PCDHA2: variants seen among roughly 807,000 people sequenced by gnomAD.
PCDHA2 encodes the protein protocadherin alpha-2.
A neutral mutation model predicts 66.0 loss-of-function variants in PCDHA2; 58 were observed. That is an observed-to-expected ratio of 0.88 (90% CI 0.71 to 1.09). The LOEUF is 1.09. Among genes scored for constraint, PCDHA2 ranks in the 50% least tolerant of loss-of-function variants. PCDHA2 has a pLI of 0.00. For synonymous variants in PCDHA2, 634 were observed against 554.0 expected (o/e 1.14, Z -2.03); for missense variants, 1,267 against 1,242.3 (o/e 1.02, Z -0.30).
At chr5:140,855,274 C>T (rs1395531351) in intron 1 of PCDHA2, among the ~76,000 whole-genome samples, 1 of 149,676 alleles carries the variant, frequency 6.7e-6, no homozygotes, top group Non-Finnish European at 1.5e-5. Flanking sequence ...TTCACTCAAC[C>T]ACCGTATTAC....
chr5:140,884,433 G>T, intron 1 of PCDHA2: 1 of 1,613,908 alleles, frequency 6.2e-7, no homozygotes, highest in Admixed American at 1.7e-5. Context: ...ACTGCGCTGC[G>T]GTGCTCGGCA....
intron 1 of PCDHA2, chr5:140,927,595 C>A (rs2084392576): frequency 1.2e-6 from 2 of 1,614,038 alleles, no homozygotes; most frequent in South Asian, 2.2e-5. Context: ...TGTATTTGAG[C>A]GCTCCGTATA....
chr5:140,933,429 G>A (rs2089147163), intron 1 of PCDHA2, among the ~76,000 whole-genome samples: 1 of 151,830 alleles, frequency 6.6e-6, no homozygotes, highest in South Asian at 2.1e-4. Flanking sequence ...GTTCATAGGG[G>A]CACTCTAATG....
chr5:140,855,819 C>T, intron 1 of PCDHA2: 1 of 524,234 alleles, frequency 1.9e-6, no homozygotes, highest in Non-Finnish European at 3.4e-6. Flanking sequence ...AAGTTGTGAA[C>T]TCATGGAATC....
At chr5:140,916,399 C>G (rs1421171065) in intron 1 of PCDHA2, among the ~76,000 whole-genome samples, 2 of 152,168 alleles carry the variant, frequency 1.3e-5, no homozygotes, top group African/African-American at 4.8e-5. Context: ...TGTGCTGGAT[C>G]ACACCTGAAG....
intron 1 of PCDHA2, chr5:140,834,394 C>A (rs2150216490): frequency 1.3e-6 from 2 of 1,596,908 alleles, no homozygotes; most frequent in Admixed American, 1.7e-5. Flanking sequence ...ATGGTGTGCC[C>A]GAATGGATAC....
chr5:140,832,676 A>G (rs1772104728), intron 1 of PCDHA2, among the ~76,000 whole-genome samples: 1 of 152,242 alleles, frequency 6.6e-6, no homozygotes. Context: ...GCTGAGAATC[A>G]TCGAATTAAC....
At position 141,011,465 on chromosome 5, in the gene PCDHA2, G is replaced by A. The variant is rs2098420693; in HGVS notation, c.*1528G>A. ...TGAACTTTAAGCTTTATTGTTGAAT[G>A]TAATTCCATTATATTTCCTTTTGTA... On this transcript the variant is annotated 3_prime_UTR_variant, in exon 4 of 4. Transcript: ENST00000526136. The A allele has an allele frequency of 6.5e-6, 1 of 153,770 alleles. No individual in the cohort carries two copies. The highest frequency in any genetic ancestry group is 2.4e-5 in the African/African-American group (1 of 41,452). The allele number at this position is 153,770 out of a possible 1,614,324, so 9.5% of individuals were successfully genotyped here.
At chr5:140,842,634 C>A (rs2150340944) in intron 1 of PCDHA2, 1 of 1,589,836 alleles carries the variant, frequency 6.3e-7, no homozygotes, top group Admixed American at 1.7e-5. Context: ...CTGTGGGCCA[C>A]CGCCAGCTTG....
chr5:140,883,319 A>C, intron 1 of PCDHA2: 1 of 1,614,126 alleles, frequency 6.2e-7, no homozygotes, highest in Non-Finnish European at 8.5e-7. Context: ...CCCAGAGGTT[A>C]CCATCACTTC....
At chr5:140,877,681 C>T (rs1554169975) in intron 1 of PCDHA2, 2 of 1,613,678 alleles carry the variant, frequency 1.2e-6, no homozygotes, top group Non-Finnish European at 1.7e-6. Context: ...GCCGGGCAAG[C>T]CCACGCTGGT....
Position 140,796,685 on chromosome 5 carries a change from C to T in PCDHA2, c.1721C>T (p.Ala574Val). The change falls in exon 1 of 4, where the codon GCT (alanine) becomes GTT (valine). Residue 574 changes from alanine (A) to valine (V), a missense_variant. Coordinates refer to ENST00000526136, the MANE Select transcript of PCDHA2 (RefSeq NM_018905.3). The stretch of plus-strand genomic sequence containing the variant: ...TTGGCGCCTAGGGCTGGCACCGCTG[C>T]TGGCGCAGTGAGTGAGCTGGTGCCG... ...ALLAPRAGTA[A>V]GAVSELVPWS... The T allele has an allele frequency of 6.2e-7, 1 of 1,613,902 alleles. No homozygotes were observed. The highest frequency in any genetic ancestry group is 8.5e-7 in the Non-Finnish European group (1 of 1,179,886).
chr5:140,803,958 T>G, intron 1 of PCDHA2: 1 of 335,646 alleles, frequency 3.0e-6, no homozygotes, highest in Non-Finnish European at 5.4e-6. Context: ...TTCAATATCT[T>G]TTGCCACTTT....
At chr5:140,829,835 C>T (rs2150175737) in intron 1 of PCDHA2, 4 of 1,613,904 alleles carry the variant, frequency 2.5e-6, no homozygotes, top group Non-Finnish European at 3.4e-6. Flanking sequence ...CGAGCTGGTG[C>T]CGCGGTCACT....
At position 140,857,973 on chromosome 5, in the gene PCDHA2, C is replaced by G. The variant is rs114376757; in HGVS notation, c.2388+60621C>G. On this transcript the variant is annotated intron_variant, in intron 1 of 3. Transcript: ENST00000526136. ...CGCGCTCTGGATGAGACTGACTCGC[C>G]ACGCCAGCGCCTACTGGTGCTGGTG... is the stretch of plus-strand genomic sequence containing the variant. The G allele has an allele frequency of 3.1e-3, 4,989 of 1,596,810 alleles. 388 individuals carry two copies. In the African/African-American group the frequency reaches 0.058, roughly 19 times the overall value.
intron 1 of PCDHA2, chr5:140,966,927 C>T (rs1434590204): frequency 1.2e-6 from 2 of 1,603,398 alleles, no homozygotes; most frequent in Admixed American, 1.7e-5. Flanking sequence ...GAGCAGGCAC[C>T]CGGCGCGCTC....
chr5:140,993,460 TCTCACACACA>T (rs1210103837), intron 3 of PCDHA2, among the ~76,000 whole-genome samples: 11 of 104,506 alleles, frequency 1.1e-4, no homozygotes, highest in Admixed American at 1.2e-4. Flanking sequence ...CTTCTTTCTT[TCTCACACACA>T]CACACACACA....
intron 1 of PCDHA2, chr5:140,863,343 G>A (rs781977341): frequency 6.7e-6 from 9 of 1,338,226 alleles, no homozygotes; most frequent in Non-Finnish European, 5.2e-6. Context: ...CGTTGCTGCT[G>A]TACACGACGC....
At chr5:140,982,353 C>G (rs2096979519) in intron 2 of PCDHA2, 122 bp from the exon 3 acceptor site, 1 of 1,509,284 alleles carries the variant, frequency 6.6e-7, no homozygotes, top group East Asian at 2.4e-5. Flanking sequence ...TCAGTTCAAG[C>G]ATGAGCAGAA....
Sources: gnomAD v4.1 joint callset for allele counts (sites outside exome capture counted in the v4.1 genomes callset) on GRCh38, gnomAD v4.1.1 for gene constraint, MANE v1.5 for transcripts, NCBI Gene and HGNC (gene_info 2026-07-23, HGNC 2026-07-21) for gene names.